CDH18: variants seen among roughly 807,000 people sequenced by gnomAD.
The protein encoded by CDH18 is cadherin-18.
Under a neutral mutation model 67.9 loss-of-function variants are expected in CDH18, and 31 were observed. The observed-to-expected ratio is 0.46, with a 90% CI of 0.34 to 0.62. The LOEUF is 0.62. Ranked by LOEUF, CDH18 falls within the 20% of genes least tolerant of loss-of-function variation. The pLI is 0.01. For synonymous variants in CDH18, 362 were observed against 347.2 expected, an observed-to-expected ratio of 1.04 and a Z score of -0.48; for missense variants, 890 against 975.5, an observed-to-expected ratio of 0.91 and a Z score of 1.17.
intron 5 of CDH18, among the ~76,000 whole-genome samples, chr5:19,618,670 C>T (rs1057093450): frequency 2.6e-5 from 4 of 152,194 alleles, no homozygotes; most frequent in Admixed American, 6.5e-5. Context: ...AATCTACTCA[C>T]ATCTTCGACC....
intron 9 of CDH18, among the ~76,000 whole-genome samples, chr5:19,532,533 T>C (rs1398176733): frequency 6.6e-6 from 1 of 152,202 alleles, no homozygotes; most frequent in African/African-American, 2.4e-5. Context: ...TCATTATGAG[T>C]GTCATATTTT....
chr5:19,862,252 T>C (rs879067042), intron 2 of CDH18, among the ~76,000 whole-genome samples: 1 of 152,220 alleles, frequency 6.6e-6, no homozygotes, highest in Admixed American at 6.5e-5. Flanking sequence ...ATTCCTTTGT[T>C]TGAAATGTTT....
intron 2 of CDH18, among the ~76,000 whole-genome samples, chr5:19,864,129 A>G (rs1290834753): frequency 1.3e-5 from 2 of 150,870 alleles, no homozygotes; most frequent in Non-Finnish European, 2.9e-5. Context: ...GAACCAACCC[A>G]AATGTCCAAC....
At chr5:20,248,920 T>C (rs1743592715) in intron 2 of CDH18, among the ~76,000 whole-genome samples, 1 of 152,174 alleles carries the variant, frequency 6.6e-6, no homozygotes, top group Admixed American at 6.5e-5. Context: ...ACTAAATAAA[T>C]ATTAATGACT....
chr5:19,572,722 T>C (rs1741652853), intron 7 of CDH18, among the ~76,000 whole-genome samples: 1 of 152,146 alleles, frequency 6.6e-6, no homozygotes, highest in African/African-American at 2.4e-5. Flanking sequence ...AATTACCTAA[T>C]TATGTACCAA....
rs78709255 is a variant in CDH18 at position 20,049,419 on chromosome 5, G to A, written c.-517-57405C>T. Among the ~76,000 whole-genome samples, 3,311 of 135,410 alleles carry A rather than the reference G, an allele frequency of 0.024. 217 individuals carry two copies. In the East Asian group the frequency reaches 0.29, roughly 12 times the overall value. 88.8% of individuals were successfully genotyped at this position (135,410 alleles called of 152,430 possible). The stretch of plus-strand genomic sequence containing the variant: ...CTAATAGGTACTAGACTTAATGCTT[G>A]GGTAACAAAATAATCTATACAACAA... On this transcript the variant is annotated intron_variant, in intron 2 of 14. Coordinates refer to the CDH18 transcript ENST00000507958.
intron 2 of CDH18, among the ~76,000 whole-genome samples, chr5:20,074,411 T>A (rs1743749320): frequency 6.6e-6 from 1 of 152,174 alleles, no homozygotes; most frequent in African/African-American, 2.4e-5. Context: ...AAATAATGTG[T>A]ATAGATTTGC....
chr5:20,249,372 T>A (rs897473226), intron 2 of CDH18, among the ~76,000 whole-genome samples: 1 of 143,280 alleles, frequency 7.0e-6, no homozygotes, highest in Non-Finnish European at 1.5e-5. Context: ...AACTATTAAC[T>A]CCTTTAAAAC....
chr5:20,038,808 A>G (rs1740133902), intron 2 of CDH18, among the ~76,000 whole-genome samples: 1 of 152,164 alleles, frequency 6.6e-6, no homozygotes, highest in Non-Finnish European at 1.5e-5. Context: ...CTCTATCATC[A>G]CTCCTATTCA....
At chr5:20,341,054 CACCAT>C (rs1185808150) in intron 1 of CDH18, among the ~76,000 whole-genome samples, 1 of 152,134 alleles carries the variant, frequency 6.6e-6, no homozygotes, top group East Asian at 1.9e-4. Flanking sequence ...GGGCTACAAC[CACCAT>C]ACTGGTTCAA....
At chr5:20,529,726 A>T (rs1756284601) in intron 1 of CDH18, among the ~76,000 whole-genome samples, 1 of 152,100 alleles carries the variant, frequency 6.6e-6, no homozygotes, top group Non-Finnish European at 1.5e-5. Context: ...CTAGGTATTG[A>T]AGGAACATAC....
chr5:19,959,158 A>C (rs974025504), intron 2 of CDH18, among the ~76,000 whole-genome samples: 1 of 152,092 alleles, frequency 6.6e-6, no homozygotes, highest in Non-Finnish European at 1.5e-5. Flanking sequence ...AAGTAGAAAA[A>C]GATTGAAGAT....
chr5:19,680,387 A>G (rs1438961758), intron 5 of CDH18, among the ~76,000 whole-genome samples: 1 of 152,112 alleles, frequency 6.6e-6, no homozygotes, highest in African/African-American at 2.4e-5. Context: ...CATGATTAAT[A>G]TGCCAAAATC....
chr5:19,572,816 T>G (rs1466469395), intron 7 of CDH18, among the ~76,000 whole-genome samples: 2 of 152,080 alleles, frequency 1.3e-5, no homozygotes, highest in Non-Finnish European at 2.9e-5. Flanking sequence ...ATCCCTTCAG[T>G]TCATAGCAAC....
At chr5:19,930,362 G>A (rs567409076) in intron 2 of CDH18, among the ~76,000 whole-genome samples, 16 of 152,040 alleles carry the variant, frequency 1.1e-4, no homozygotes, top group South Asian at 6.2e-4. Flanking sequence ...TGAAGAAGCA[G>A]AGTTAGAACA....
chr5:20,305,684 T>G, intron 1 of CDH18: 1 of 449,420 alleles, frequency 2.2e-6, no homozygotes, highest in Non-Finnish European at 4.0e-6. Context: ...CCTCACGCTG[T>G]GTTCGGCAGC....
At chr5:20,284,645 A>G (rs1239802747) in intron 1 of CDH18, among the ~76,000 whole-genome samples, 1 of 151,984 alleles carries the variant, frequency 6.6e-6, no homozygotes, top group Non-Finnish European at 1.5e-5. Flanking sequence ...AACACTTAGT[A>G]CGACACCATG....
rs147239335 is a variant in CDH18 at position 19,721,408 on chromosome 5, G to A, written c.582C>T (p.Ser194=). The A allele has an allele frequency of 2.0e-3, 3,217 of 1,610,188 alleles. 36 individuals carry two copies. The Middle Eastern group carries it at 0.039, about 20-fold the overall frequency. The change falls in exon 5 of 13, where the codon AGC becomes AGT. Residue 194 remains serine, a synonymous_variant. Transcript: ENST00000382275. The stretch of plus-strand genomic sequence containing the variant: ...GGAGAATGCTGTAAACCACCCGAGC[G>A]CTGTTTCCATAGGTAGGGTCATCTG... ...TDADDPTYGN[S]ARVVYSILQG...
chr5:20,199,652 A>G (rs1739286193), intron 2 of CDH18, among the ~76,000 whole-genome samples: 1 of 152,158 alleles, frequency 6.6e-6, no homozygotes. Context: ...ATGTGAGGAC[A>G]TGAGATTTGG....
Sources: gnomAD v4.1 joint callset for allele counts (sites outside exome capture counted in the v4.1 genomes callset) on GRCh38, gnomAD v4.1.1 for gene constraint, MANE v1.5 for transcripts, NCBI Gene and HGNC (gene_info 2026-07-23, HGNC 2026-07-21) for gene names.